Variants in CTCF observed in about 807,000 individuals in gnomAD.
CTCF encodes the protein CCCTC-binding factor.
Under a neutral mutation model 72.3 loss-of-function variants are expected in CTCF, and 7 were observed. The ratio of observed to expected loss-of-function variants is 0.10; its 90% CI spans 0.06 to 0.18. The LOEUF (loss-of-function observed/expected upper bound fraction) is 0.18. Ranked by LOEUF, CTCF falls within the 10% of genes least tolerant of loss-of-function variation. CTCF has a pLI of 1.00. For synonymous variants in CTCF, 374 were observed against 315.8 expected, an observed-to-expected ratio of 1.18 and a Z score of -1.95; for missense variants, 516 against 949.1, an observed-to-expected ratio of 0.54 and a Z score of 6.00.
At chr16:67,576,788 C>T (rs1318986764) in intron 2 of CTCF, among the ~76,000 whole-genome samples, 2 of 151,916 alleles carry the variant, frequency 1.3e-5, no homozygotes, top group Non-Finnish European at 2.9e-5. Flanking sequence ...CCTCTGCCTC[C>T]GAAAGTGCTG....
At chr16:67,631,501 T>C (rs538372924) in intron 10 of CTCF, among the ~76,000 whole-genome samples, 24 of 152,034 alleles carry the variant, frequency 1.6e-4, no homozygotes, top group Non-Finnish European at 1.3e-4. Context: ...GGTCCCACTG[T>C]GTGGCTCAGG....
chr16:67,606,702 G>A (rs1172741465), intron 2 of CTCF, among the ~76,000 whole-genome samples: 1 of 150,056 alleles, frequency 6.7e-6, no homozygotes, highest in Non-Finnish European at 1.5e-5. Context: ...CAAAAGCTTC[G>A]TTTGAGCTGT....
rs2052287871 is a variant in CTCF at position 67,626,409 on chromosome 16, CG to C, written c.1358-145del. On this transcript the variant is annotated intron_variant, in intron 7 of 11. Transcript: ENST00000264010. ...TGGAGCTTGCAGTGAGCTGAGATTG[CG>C]CCACTGCACTCCAGCCTGGGTGACA... 8.9e-6 allele frequency: 4 copies of C among 450,964 alleles called. 1 individual carries two copies. In the Admixed American group the frequency reaches 1.8e-4, roughly 20 times the overall value. The allele number at this position is 450,964 out of a possible 1,614,324, so 27.9% of individuals were successfully genotyped here.
intron 2 of CTCF, among the ~76,000 whole-genome samples, chr16:67,588,352 C>G (rs1425124272): frequency 2.0e-5 from 3 of 152,128 alleles, no homozygotes; most frequent in African/African-American, 7.2e-5. Flanking sequence ...TTCTCCTATT[C>G]CAAGTGATGA....
chr16:67,603,394 G>A (rs1317558316), intron 2 of CTCF, among the ~76,000 whole-genome samples: 1 of 151,892 alleles, frequency 6.6e-6, no homozygotes, highest in South Asian at 2.1e-4. Flanking sequence ...TTAGCTGGGA[G>A]TGCTGGTGGG....
chr16:67,636,635 C>A, intron 10 of CTCF, 55 bp from the exon 11 acceptor site: 1 of 1,306,562 alleles, frequency 7.7e-7, no homozygotes, highest in Non-Finnish European at 1.0e-6. Context: ...TTTCTTTCAT[C>A]TTCCACCACC....
intron 2 of CTCF, among the ~76,000 whole-genome samples, chr16:67,595,860 G>A (rs1281140275): frequency 2.0e-5 from 3 of 152,138 alleles, no homozygotes; most frequent in East Asian, 3.9e-4. Flanking sequence ...TGATGTCTAC[G>A]ATTCACACCA....
At position 67,610,871 on chromosome 16, in the gene CTCF, C is replaced by T. The variant is rs748804296; in HGVS notation, c.39C>T (p.Ser13=). 2.7e-6 allele frequency: 4 copies of T among 1,501,298 alleles called. No homozygotes were observed. Among genetic ancestry groups the T allele is most frequent in the East Asian group, 4.6e-5 (2 of 43,762 alleles). The allele number at this position is 1,501,298 out of a possible 1,614,324, so 93.0% of individuals were successfully genotyped here. Residue 13 remains serine (S), a synonymous_variant, in exon 3 of 12, where the codon TCC becomes TCT. Coordinates refer to ENST00000264010, the MANE Select transcript of CTCF (RefSeq NM_006565.4). ...GDAVEAIVEE[S]ETFIKGKERK... ...CAGTCGAAGCCATTGTGGAGGAGTC[C>T]GAAACTTTTATTAAAGGAAAGGAGA...
chr16:67,629,637 T>C (rs1597727527), intron 10 of CTCF, 104 bp downstream of exon 10: 1 of 1,112,146 alleles, frequency 9.0e-7, no homozygotes, highest in East Asian at 2.7e-5. Flanking sequence ...GGGCACACAC[T>C]CTTCCTTTCT....
chr16:67,599,948 G>A, intron 2 of CTCF, among the ~76,000 whole-genome samples: 1 of 152,172 alleles, frequency 6.6e-6, no homozygotes, highest in Non-Finnish European at 1.5e-5. Context: ...AAGTTAAAAG[G>A]CTAGTGTAAT....
chr16:67,619,587 G>A (rs1383133966), intron 5 of CTCF, among the ~76,000 whole-genome samples: 1 of 151,982 alleles, frequency 6.6e-6, no homozygotes, highest in Non-Finnish European at 1.5e-5. Flanking sequence ...TTGGAGCAGG[G>A]GGTGCGTGGC....
At chr16:67,599,767 T>C (rs1276573702) in intron 2 of CTCF, among the ~76,000 whole-genome samples, 1 of 152,192 alleles carries the variant, frequency 6.6e-6, no homozygotes, top group African/African-American at 2.4e-5. Flanking sequence ...CCACCCACTT[T>C]GCCAAGCTCA....
chr16:67,606,211 A>G (rs1203050851), intron 2 of CTCF, among the ~76,000 whole-genome samples: 1 of 152,100 alleles, frequency 6.6e-6, no homozygotes, highest in African/African-American at 2.4e-5. Flanking sequence ...TTTCTTACTC[A>G]TAACTAATTC....
At position 67,572,956 on chromosome 16, in the gene CTCF, C is replaced by A. The variant is rs529181537; in HGVS notation, c.-10+1692C>A. Among the ~76,000 whole-genome samples, 13 of 135,800 alleles carry A rather than the reference C, an allele frequency of 9.6e-5. No individual in the cohort carries two copies. The South Asian group carries it at 1.3e-3, about 14-fold the overall frequency. 89.1% of individuals were successfully genotyped at this position (135,800 alleles called of 152,430 possible). On this transcript the variant is annotated intron_variant, in intron 2 of 11. Coordinates refer to ENST00000264010, the MANE Select transcript of CTCF (RefSeq NM_006565.4). ...CTGTCTGCCCCCCCCCGCCCCCCCCCCCAAAACAACAAAAGACTGGGCGCG... is the reference window on the plus strand; with the variant it reads ...CTGTCTGCCCCCCCCCGCCCCCCCCACCAAAACAACAAAAGACTGGGCGCG...
chr16:67,583,697 A>C lies in CTCF; in HGVS notation c.-10+12433A>C, dbSNP rs116400096. ...GTGAGTTTTGGTCTCAAAAAAAAAA[A>C]AACAAAAGAGCATATATCTTGATGC... On this transcript the variant is annotated intron_variant, in intron 2 of 11. Coordinates refer to ENST00000264010, the MANE Select transcript of CTCF (RefSeq NM_006565.4). Among the ~76,000 whole-genome samples, 1,028 of 152,166 alleles carry C rather than the reference A, an allele frequency of 6.8e-3. 14 individuals carry two copies. The highest frequency in any genetic ancestry group is 0.023 in the African/African-American group (967 of 41,516).
chr16:67,605,067 G>A (rs2051956465), intron 2 of CTCF, among the ~76,000 whole-genome samples: 1 of 146,276 alleles, frequency 6.8e-6, no homozygotes, highest in African/African-American at 2.6e-5. Context: ...TCGCCTTCCG[G>A]GTTCACGCCA....
chr16:67,580,162 G>A (rs2051560228), intron 2 of CTCF, among the ~76,000 whole-genome samples: 1 of 152,182 alleles, frequency 6.6e-6, no homozygotes, highest in Non-Finnish European at 1.5e-5. Flanking sequence ...CTGACTTAAG[G>A]TGGGATAACT....
rs1198711677 is a variant in CTCF at position 67,579,020 on chromosome 16, C to T, written c.-10+7756C>T. Among the ~76,000 whole-genome samples the T allele has an allele frequency of 2.0e-5, 3 of 151,514 alleles. No individual in the cohort carries two copies. The East Asian group carries it at 6.0e-4, about 30-fold the overall frequency. On this transcript the variant is annotated intron_variant, in intron 2 of 11. Transcript: ENST00000264010. ...CTGTAATCCCAGCACTTTGGGAGGCCAAGGTGCGTGGATCACCTGAGGTCA... is the reference window on the plus strand; with the variant it reads ...CTGTAATCCCAGCACTTTGGGAGGCTAAGGTGCGTGGATCACCTGAGGTCA...
At chr16:67,624,352 A>G (rs999138491) in intron 7 of CTCF, among the ~76,000 whole-genome samples, 4 of 151,710 alleles carry the variant, frequency 2.6e-5, no homozygotes, top group Non-Finnish European at 5.9e-5. Context: ...GCTTAAGGTC[A>G]TGAATGACCC....
Sources: gnomAD v4.1 joint callset for allele counts (sites outside exome capture counted in the v4.1 genomes callset) on GRCh38, gnomAD v4.1.1 for gene constraint, MANE v1.5 for transcripts, NCBI Gene and HGNC (gene_info 2026-07-23, HGNC 2026-07-21) for gene names.